CTDSPL2: variants seen among roughly 807,000 people sequenced by gnomAD.
CTDSPL2 encodes the protein CTD small phosphatase like 2, also known as CTD small phosphatase-like protein 2.
In CTDSPL2, 5 loss-of-function variants were observed where a neutral mutation model predicts 60.0. The observed-to-expected ratio is 0.08, with a 90% confidence interval of 0.04 to 0.18. The LOEUF (loss-of-function observed/expected upper bound fraction) is 0.18. Ranked by LOEUF, CTDSPL2 falls within the 10% of genes least tolerant of loss-of-function variation. The pLI, the probability that CTDSPL2 is intolerant of heterozygous loss-of-function variation, is 1.00. For synonymous variants in CTDSPL2, 186 were observed against 189.3 expected, an observed-to-expected ratio of 0.98 and a Z score of 0.14; for missense variants, 370 against 548.8, an observed-to-expected ratio of 0.67 and a Z score of 3.26.
At chr15:44,520,493 C>G (rs1054778119) in intron 11 of CTDSPL2, 2 of 152,054 alleles carry the variant, frequency 1.3e-5, no homozygotes, top group African/African-American at 4.8e-5. Context: ...ATAAGCCAGT[C>G]CAGAATAGGG....
intron 2 of CTDSPL2, among the ~76,000 whole-genome samples, chr15:44,461,781 T>G (rs1462898722): frequency 1.3e-5 from 2 of 151,996 alleles, no homozygotes; most frequent in Non-Finnish European, 2.9e-5. Flanking sequence ...AGAGAAAATA[T>G]GTTTACTATT....
chr15:44,478,799 T>C (rs2080970581), intron 2 of CTDSPL2, among the ~76,000 whole-genome samples: 1 of 151,934 alleles, frequency 6.6e-6, no homozygotes, highest in South Asian at 2.1e-4. Context: ...CTGACCAACA[T>C]GGTGAAACCC....
At chr15:44,523,923 ATCT>A (rs1019542760) in intron 12 of CTDSPL2, among the ~76,000 whole-genome samples, 183 bp from the exon 13 acceptor site, 1 of 152,202 alleles carries the variant, frequency 6.6e-6, no homozygotes, top group Non-Finnish European at 1.5e-5. Flanking sequence ...TAAAAAAGAA[ATCT>A]TCAACGAAAT....
In CTDSPL2 at chr15:44,434,967, T is replaced by C. The variant is rs1595689441; in HGVS notation, c.-25+7195T>C. 2.0e-5 allele frequency among the ~76,000 whole-genome samples: 3 copies of C among 152,210 alleles called. No individual in the cohort carries two copies. The South Asian group carries it at 6.2e-4, about 32-fold the overall frequency. The stretch of plus-strand genomic sequence containing the variant: ...TCACACACTTTGTTGTGAATAGGAT[T>C]AAAATAACCTTCGACCAGACACAGT... On this transcript the variant is annotated intron_variant, in intron 1 of 12. Transcript: ENST00000260327.
At chr15:44,476,111 C>T (rs1595737192) in intron 2 of CTDSPL2, among the ~76,000 whole-genome samples, 1 of 152,140 alleles carries the variant, frequency 6.6e-6, no homozygotes, top group Non-Finnish European at 1.5e-5. Flanking sequence ...CTCTGTCGCC[C>T]AGGCTGGAGT....
intron 6 of CTDSPL2, 36 bp from the exon 7 acceptor site, chr15:44,496,991 T>C: frequency 7.8e-7 from 1 of 1,286,784 alleles, no homozygotes; most frequent in Non-Finnish European, 1.1e-6. Context: ...GTATAAAAAG[T>C]AAAATGTTGA....
chr15:44,500,938 G>A (rs1338383519), intron 8 of CTDSPL2, among the ~76,000 whole-genome samples: 2 of 152,036 alleles, frequency 1.3e-5, no homozygotes, highest in South Asian at 2.1e-4. Flanking sequence ...ATGTATAATC[G>A]GGGGTAAGCA....
intron 1 of CTDSPL2, among the ~76,000 whole-genome samples, chr15:44,442,565 AAAGT>A (rs2080112837): frequency 6.6e-6 from 1 of 152,222 alleles, no homozygotes; most frequent in South Asian, 2.1e-4. Context: ...GTCATTTTTA[AAAGT>A]AAGTAAATAT....
chr15:44,515,918 G>GTTCT (rs1444237049), intron 10 of CTDSPL2, among the ~76,000 whole-genome samples: 1 of 150,670 alleles, frequency 6.6e-6, no homozygotes, highest in African/African-American at 2.4e-5. Flanking sequence ...TGGTTCGTTC[G>GTTCT]TTCTTTCTCT....
intron 2 of CTDSPL2, among the ~76,000 whole-genome samples, chr15:44,469,736 TTGA>T (rs1299220913): frequency 6.6e-6 from 1 of 152,100 alleles, no homozygotes; most frequent in Non-Finnish European, 1.5e-5. Flanking sequence ...ATCCAAATGG[TTGA>T]TAATATTCTA....
At chr15:44,495,923 A>G (rs900801867) in intron 5 of CTDSPL2, among the ~76,000 whole-genome samples, 5 of 150,812 alleles carry the variant, frequency 3.3e-5, no homozygotes, top group African/African-American at 1.2e-4. Context: ...ACAGATCGAG[A>G]CTCCATCTCA....
At chr15:44,497,928 C>T (rs2081328605) in intron 7 of CTDSPL2, among the ~76,000 whole-genome samples, 2 of 151,948 alleles carry the variant, frequency 1.3e-5, no homozygotes, top group Admixed American at 6.5e-5. Context: ...ACCCAGGAGA[C>T]GGAGGTTGCA....
chr15:44,495,687 A>G (rs745424195), intron 5 of CTDSPL2, among the ~76,000 whole-genome samples: 1 of 152,080 alleles, frequency 6.6e-6, no homozygotes, highest in Admixed American at 6.5e-5. Context: ...TAATCCCAAC[A>G]CTTTGGGAGG....
At chr15:44,432,989 C>G (rs1399340721) in intron 1 of CTDSPL2, among the ~76,000 whole-genome samples, 1 of 151,894 alleles carries the variant, frequency 6.6e-6, no homozygotes, top group Non-Finnish European at 1.5e-5. Flanking sequence ...ACATGGGATT[C>G]TAGCATGGAA....
chr15:44,448,396 C>T (rs553870764), intron 1 of CTDSPL2: 2 of 221,090 alleles, frequency 9.0e-6, no homozygotes, highest in Non-Finnish European at 1.8e-5. Context: ...GGAACCCACA[C>T]GATCCACACC....
At chr15:44,466,938 C>CA (rs961431262) in intron 2 of CTDSPL2, among the ~76,000 whole-genome samples, 3 of 148,678 alleles carry the variant, frequency 2.0e-5, no homozygotes, top group East Asian at 2.2e-4. Flanking sequence ...GACTCCGTCT[C>CA]AAAAAACAAA....
At chr15:44,501,566 A>C (rs2081381364) in intron 8 of CTDSPL2, among the ~76,000 whole-genome samples, 2 of 152,164 alleles carry the variant, frequency 1.3e-5, no homozygotes, top group Non-Finnish European at 2.9e-5. Context: ...ATATATGACT[A>C]ATTAAAATAC....
intron 1 of CTDSPL2, among the ~76,000 whole-genome samples, chr15:44,431,716 G>GTTTTTTTTTTTT (rs886785067): frequency 3.0e-5 from 4 of 133,624 alleles, no homozygotes; most frequent in Non-Finnish European, 4.8e-5. Context: ...TTGTTTGTTT[G>GTTTTTTTTTTTT]TTTTTTTTTT....
chr15:44,455,370 G>A (rs188155927), intron 1 of CTDSPL2, among the ~76,000 whole-genome samples: 55 of 152,200 alleles, frequency 3.6e-4, no homozygotes, highest in African/African-American at 1.3e-3. Context: ...CTGCAAACAG[G>A]GACAGTTTGA....
Sources: allele counts gnomAD v4.1 joint callset (sites outside exome capture counted in the v4.1 genomes callset), GRCh38; gene constraint gnomAD v4.1.1; transcripts MANE v1.5; gene names NCBI Gene and HGNC (gene_info 2026-07-23, HGNC 2026-07-21).